Variants in CPOX observed in about 807,000 individuals in gnomAD.
CPOX encodes the protein coproporphyrinogen oxidase.
Under a neutral mutation model 48.9 loss-of-function variants are expected in CPOX, and 24 were observed. The observed-to-expected ratio is 0.49, with a 90% confidence interval of 0.36 to 0.69. CPOX has a LOEUF of 0.69. CPOX is among the 30% of genes least tolerant of loss of function. CPOX has a pLI of 0.00. For synonymous variants in CPOX, 249 were observed against 234.6 expected (o/e 1.06, Z -0.56); for missense variants, 549 against 597.3 (o/e 0.92, Z 0.84).
In CPOX at chr3:98,593,288, A is replaced by T; in HGVS notation, c.217T>A (p.Trp73Arg). 6.9e-7 allele frequency: 1 copy of T among 1,453,946 alleles called. No homozygotes were observed. Among genetic ancestry groups the T allele is most frequent in the Non-Finnish European group, 9.0e-7 (1 of 1,111,170 alleles). 90.1% of individuals were successfully genotyped at this position (1,453,946 alleles called of 1,614,324 possible). ...GHGSTSRGGPWVGTGLAAALA... is the reference protein window; with the variant it reads ...GHGSTSRGGPRVGTGLAAALA... Reference sequence around the variant, plus strand: ...GCCGCGGCCAGCCCTGTCCCCACCCAGGGGCCGCCTCTCGACGTCGAGCCG... The same window carrying T: ...GCCGCGGCCAGCCCTGTCCCCACCCTGGGGCCGCCTCTCGACGTCGAGCCG... Residue 73 changes from tryptophan to arginine, a missense_variant, in exon 1 of 7, where the codon TGG becomes AGG. This residue lies in a region of CPOX where 336 missense variants were observed against 318.1 expected (regional missense o/e 1.06). Coordinates refer to ENST00000647941, the MANE Select transcript of CPOX (RefSeq NM_000097.7).
At position 98,580,584 on chromosome 3, in the gene CPOX, G is replaced by A. The variant is rs1406868494; in HGVS notation, c.*99C>T. ...TAGGGTGCAGAGTGGAGAAGACTAA[G>A]GCACGGGTAACTGCCACACAGTGGC... is the stretch of plus-strand genomic sequence containing the variant. On this transcript the variant is annotated 3_prime_UTR_variant, in exon 7 of 7. Transcript: ENST00000647941. 3.1e-5 allele frequency: 49 copies of A among 1,589,850 alleles called. No individual in the cohort carries two copies. The highest frequency in any genetic ancestry group is 3.2e-5 in the Non-Finnish European group (37 of 1,167,990).
Position 98,590,747 on chromosome 3 carries a change from A to G in CPOX, c.701-5T>C. ...TAGCACAAAATGGCAATTTACCTGG[A>G]AAGTAAAATATGAGTCATGAGCTAT... On this transcript the variant is annotated splice_polypyrimidine_tract_variant and splice_region_variant and intron_variant, in intron 2 of 6. Transcript: ENST00000647941. 1 of 1,589,030 alleles carries G rather than the reference A, an allele frequency of 6.3e-7. No homozygotes were observed. The highest frequency in any genetic ancestry group is 8.6e-7 in the Non-Finnish European group (1 of 1,157,176).
Position 98,591,210 on chromosome 3 carries a change from A to G in CPOX, c.557-55T>C. 8.8e-6 allele frequency: 14 copies of G among 1,586,582 alleles called. 1 individual carries two copies. The highest frequency in any genetic ancestry group is 1.0e-5 in the Non-Finnish European group (12 of 1,155,144). ...ATGTAAGAGTATGTGCAAAACTGAA[A>G]GCAACACTTGCATGAAGATGGTTAT... On this transcript the variant is annotated intron_variant, in intron 1 of 6. Transcript: ENST00000647941.
At chr3:98,578,547 C>G (rs1559672424), downstream of CPOX, among the ~76,000 whole-genome samples, 1 of 152,182 alleles carries the variant, frequency 6.6e-6, no homozygotes, top group Non-Finnish European at 1.5e-5. Flanking sequence ...CCATCACAAT[C>G]AAGATGTAAA....
intron 1 of CPOX, among the ~76,000 whole-genome samples, chr3:98,591,689 CCTTA>C (rs1026475180): frequency 2.6e-5 from 4 of 152,046 alleles, no homozygotes; most frequent in African/African-American, 7.2e-5. Flanking sequence ...CGTGTATCAG[CCTTA>C]CTAATTTTTT....
At chr3:98,592,857 C>G in intron 1 of CPOX, 92 bp downstream of exon 1, 1 of 1,381,450 alleles carries the variant, frequency 7.2e-7, no homozygotes, top group Non-Finnish European at 1.0e-6. Context: ...CTACCCCATC[C>G]CATATTGTGA....
the CPOX span, among the ~76,000 whole-genome samples, chr3:98,571,044 CACATA>C: frequency 6.6e-6 from 1 of 152,196 alleles, no homozygotes; most frequent in Admixed American, 6.5e-5. Context: ...AATTTATATA[CACATA>C]ACATGAGTCT....
chr3:98,593,515 T>C lies in CPOX; in HGVS notation c.-11A>G. The stretch of plus-strand genomic sequence containing the variant: ...CAGCTGCAAGGCCATGTTCCCGCAC[T>C]ATCACCTGGAGCAGTGCCTGCGTCC... On this transcript the variant is annotated 5_prime_UTR_variant, in exon 1 of 7. It adds an upstream start codon to the 5' untranslated region. Transcript: ENST00000647941. 2 of 1,520,794 alleles carry C rather than the reference T, an allele frequency of 1.3e-6. No individual in the cohort carries two copies. Among genetic ancestry groups the C allele is most frequent in the Non-Finnish European group, 1.8e-6 (2 of 1,140,546 alleles). 94.2% of individuals were successfully genotyped at this position (1,520,794 alleles called of 1,614,324 possible). A position where few individuals can be genotyped will look rare whatever the true frequency, so the allele number is the denominator to read the frequency against.
downstream of CPOX, among the ~76,000 whole-genome samples, chr3:98,575,691 A>T (rs112541842): frequency 1.8e-5 from 2 of 108,984 alleles, no homozygotes; most frequent in East Asian, 2.7e-4. Flanking sequence ...GCACTTTGGG[A>T]GGCTGAGGTG....
chr3:98,578,233 A>G (rs1397999011), downstream of CPOX: 2 of 968,232 alleles, frequency 2.1e-6, no homozygotes, highest in African/African-American at 3.5e-5. Flanking sequence ...TTTCAGACAT[A>G]GTCTAATCCA....
intron 2 of CPOX, 36 bp downstream of exon 2, chr3:98,590,976 G>C (rs763388089): frequency 1.5e-5 from 24 of 1,611,100 alleles, no homozygotes; most frequent in Non-Finnish European, 2.0e-5. Context: ...AAGGTTTGCA[G>C]GGACTATTAG....
Position 98,590,896 on chromosome 3 carries a change from C to A in CPOX, c.700+116G>T, listed in dbSNP as rs545282766. ...TTTTAAAAAAGTATTTGTCAACGTG[C>A]GGCATATGAACCCGAATGGCTTTTT... is the stretch of plus-strand genomic sequence containing the variant. On this transcript the variant is annotated intron_variant, in intron 2 of 6. Coordinates refer to ENST00000647941, the MANE Select transcript of CPOX (RefSeq NM_000097.7). 41 of 1,295,432 alleles carry A rather than the reference C, an allele frequency of 3.2e-5. No homozygotes were observed. The African/African-American group carries it at 3.6e-4, about 11-fold the overall frequency. 80.2% of individuals were successfully genotyped at this position (1,295,432 alleles called of 1,614,324 possible).
chr3:98,577,424 T>C (rs1351380933), downstream of CPOX, among the ~76,000 whole-genome samples: 1 of 152,000 alleles, frequency 6.6e-6, no homozygotes, highest in Non-Finnish European at 1.5e-5. Flanking sequence ...TGAGAAAGTA[T>C]GTGAGACTAA....
At position 98,592,975 on chromosome 3, in the gene CPOX, G is replaced by A. The variant is rs1707508760; in HGVS notation, c.530C>T (p.Ser177Phe). ...LAQVDGGANF[S>F]VDRWERKEGG... ...TTCCTTCCTCTCCCACCGGTCCACA[G>A]AAAAGTTGGCGCCCCCGTCTACCTG... The change falls in exon 1 of 7, where the codon TCT becomes TTT. Residue 177 changes from serine (S) to phenylalanine (F), a missense_variant. Ser to Phe is a radical substitution (Grantham distance 155). Coordinates refer to ENST00000647941, the MANE Select transcript of CPOX (RefSeq NM_000097.7). 6.2e-7 allele frequency: 1 copy of A among 1,613,460 alleles called. No homozygotes were observed. The highest frequency in any genetic ancestry group is 8.5e-7 in the Non-Finnish European group (1 of 1,179,810).
chr3:98,581,670 A>G (rs1444987819), intron 5 of CPOX, among the ~76,000 whole-genome samples, 159 bp from the exon 6 acceptor site: 1 of 152,182 alleles, frequency 6.6e-6, no homozygotes, highest in East Asian at 1.9e-4. Flanking sequence ...AGAGCTCTCC[A>G]TCTGGACAGG....
rs113583178 is a variant in CPOX, at chr3:98,586,993, T to G, written c.954-1334A>C. Among the ~76,000 whole-genome samples, 951 of 152,276 alleles carry G rather than the reference T, an allele frequency of 6.2e-3. 9 individuals carry two copies. Among genetic ancestry groups the G allele is most frequent in the African/African-American group, 0.021 (892 of 41,562 alleles). ...AACAAACAAAAAAGAAGCCATTTCC[T>G]AACTGTTAAACTTGTAAAATAGTTT... On this transcript the variant is annotated intron_variant, in intron 4 of 6. Transcript: ENST00000647941.
chr3:98,585,878 TC>T, intron 4 of CPOX: 17 of 533,016 alleles, frequency 3.2e-5, no homozygotes, highest in South Asian at 1.6e-4. Flanking sequence ...TCTTTTCTTT[TC>T]TTTTTTTTTT....
downstream of CPOX, among the ~76,000 whole-genome samples, chr3:98,578,762 C>A (rs7630965): frequency 0.3 from 45,973 of 151,786 alleles, 6,879 homozygotes; most frequent in East Asian, 0.33. Context: ...CTGTCATTAG[C>A]AATAGTTATT....
At chr3:98,571,738 T>G in the CPOX span, among the ~76,000 whole-genome samples, 2 of 151,836 alleles carry the variant, frequency 1.3e-5, no homozygotes, top group Non-Finnish European at 2.9e-5. Context: ...TAGTTATGTC[T>G]CATAGGGTGT....
Sources: allele counts gnomAD v4.1 joint callset (sites outside exome capture counted in the v4.1 genomes callset), GRCh38; gene constraint gnomAD v4.1.1; regional missense constraint gnomAD v4.1.1; transcripts MANE v1.5; gene names NCBI Gene and HGNC (gene_info 2026-07-23, HGNC 2026-07-21).